Variants in MROH6 observed in about 807,000 individuals in gnomAD.
MROH6 encodes the protein maestro heat-like repeat-containing protein family member 6.
In MROH6, 62 loss-of-function variants were observed where a neutral mutation model predicts 67.7. The ratio of observed to expected loss-of-function variants is 0.92; its 90% CI spans 0.75 to 1.13. The LOEUF is 1.13. MROH6 is among the 50% of genes most tolerant of loss of function. The pLI, the probability that MROH6 is intolerant of heterozygous loss-of-function variation, is 0.00. For missense variants in MROH6, 1,175 were observed against 1,029.1 expected, an observed-to-expected ratio of 1.14 and a Z score of -1.94; for synonymous variants, 566 against 470.8, an observed-to-expected ratio of 1.20 and a Z score of -2.62.
chr8:143,568,441 GA>G (rs1261816160), intron 10 of MROH6, 110 bp downstream of exon 10: 38 of 1,442,242 alleles, frequency 2.6e-5, no homozygotes, highest in Non-Finnish European at 3.4e-5. Context: ...ACCTGCCACT[GA>G]GGTCCTTGGG....
chr8:143,571,401 G>A (rs550330725), intron 3 of MROH6, among the ~76,000 whole-genome samples: 4 of 152,314 alleles, frequency 2.6e-5, no homozygotes, highest in East Asian at 1.9e-4. Context: ...ACCCCAGGAC[G>A]GTCTCCAGGG....
chr8:143,568,900 C>T, intron 9 of MROH6, 181 bp from the exon 10 acceptor site: 1 of 525,236 alleles, frequency 1.9e-6, no homozygotes, highest in Middle Eastern at 5.0e-4. Context: ...AGAGCCCCTG[C>T]AGGGGGTGGG....
rs1390528712 is a variant in MROH6 at position 143,572,511 on chromosome 8, C to T, written c.204G>A (p.Glu68=). ...CAGGGACGGTGGCCCCACGTCCAGGCTCTGCCTCAGAGGGGGCGGTGAGTG... is the reference window on the plus strand; with the variant it reads ...CAGGGACGGTGGCCCCACGTCCAGGTTCTGCCTCAGAGGGGGCGGTGAGTG... ...TQALTAPSEA[E]PGRGATVPEA... Residue 68 remains glutamate (E), a synonymous_variant, in exon 1 of 14, where the codon GAG becomes GAA. Coordinates refer to ENST00000398882, the MANE Select transcript of MROH6 (RefSeq NM_001100878.2). 3 of 1,605,954 alleles carry T rather than the reference C, an allele frequency of 1.9e-6. No individual in the cohort carries two copies. The highest frequency in any genetic ancestry group is 4.5e-5 in the East Asian group (2 of 44,658).
chr8:143,572,319 C>T (rs1383302394), intron 1 of MROH6, 102 bp downstream of exon 1: 35 of 1,494,190 alleles, frequency 2.3e-5, no homozygotes, highest in Non-Finnish European at 2.7e-5. Context: ...TCACGCTGAC[C>T]TCCCCCGGGG....
rs771535763 is a variant in MROH6 at position 143,569,641 on chromosome 8, G to A, written c.1303-27C>T. 1.9e-6 allele frequency: 3 copies of A among 1,593,898 alleles called. No individual in the cohort carries two copies. The Admixed American group carries it at 5.1e-5, about 27-fold the overall frequency. ...TGCTGGGACTCGGGGTCAGCCTCTT[G>A]CAGACCTCGCCGCGACCGGGCCAAG... On this transcript the variant is annotated intron_variant, in intron 8 of 13. Transcript: ENST00000398882.
chr8:143,572,240 C>T, intron 1 of MROH6, 55 bp from the exon 2 acceptor site: 3 of 1,590,162 alleles, frequency 1.9e-6, no homozygotes, highest in South Asian at 2.3e-5. Context: ...TAGCTCTCCT[C>T]CTGGTCCCTC....
chr8:143,570,197 TCTCTTC>T (rs1330660727), intron 6 of MROH6, 40 bp downstream of exon 6: 2 of 1,558,766 alleles, frequency 1.3e-6, no homozygotes, highest in African/African-American at 2.7e-5. Context: ...CAGCAACGAC[TCTCTTC>T]CTGGTGTGAC....
rs368816807 is a variant in MROH6 at position 143,572,497 on chromosome 8, G to A, written c.218C>T (p.Ala73Val). 20 of 1,604,268 alleles carry A rather than the reference G, an allele frequency of 1.2e-5. No homozygotes were observed. The highest frequency in any genetic ancestry group is 2.5e-6 in the Non-Finnish European group (3 of 1,177,148). ...CTCGCTGCCAGCTTCAGGGACGGTG[G>A]CCCCACGTCCAGGCTCTGCCTCAGA... Reference protein sequence around the residue: ...APSEAEPGRGATVPEAGSEPC... With the variant: ...APSEAEPGRGVTVPEAGSEPC... Residue 73 changes from alanine (A) to valine (V), a missense_variant, in exon 1 of 14, where the codon GCC (alanine) becomes GTC (valine). Ala to Val is a moderately conservative substitution (Grantham distance 64). Transcript: ENST00000398882.
At chr8:143,567,717 C>T in intron 12 of MROH6, 41 bp from the exon 13 acceptor site, 2 of 1,572,856 alleles carry the variant, frequency 1.3e-6, no homozygotes, top group Middle Eastern at 1.7e-4. Context: ...CCCACAGCCC[C>T]CCAGGGGGAG....
chr8:143,570,448 C>G (rs767243192), intron 5 of MROH6, 25 bp downstream of exon 5: 3 of 1,309,562 alleles, frequency 2.3e-6, no homozygotes. Flanking sequence ...TGGCCCGCCC[C>G]ACGTAACCTG....
chr8:143,571,521 T>C (rs1824036184), intron 3 of MROH6, 146 bp downstream of exon 3: 1 of 1,053,770 alleles, frequency 9.5e-7, no homozygotes, highest in South Asian at 1.6e-5. Context: ...GGAGCGGGAA[T>C]GGATACGGGG....
intron 10 of MROH6, 85 bp downstream of exon 10, chr8:143,568,467 G>A (rs1259929317): frequency 1.4e-6 from 2 of 1,456,724 alleles, no homozygotes; most frequent in African/African-American, 1.4e-5. Context: ...GTGAGTCCCT[G>A]ACCTGTAATT....
In MROH6 at chr8:143,570,321, G is replaced by A. The variant is rs372592793; in HGVS notation, c.965C>T (p.Thr322Met). The A allele has an allele frequency of 3.8e-5, 61 of 1,609,876 alleles. No individual in the cohort carries two copies. Among genetic ancestry groups the A allele is most frequent in the Non-Finnish European group, 4.7e-5 (56 of 1,179,702 alleles). The stretch of plus-strand genomic sequence containing the variant: ...CCAGCCTCCTGCCTGCTCCATGCAC[G>A]TGACCACCATGCGGCCTCCATCCCC... ...LTGDGGRMVV[T>M]CMEQAGGWRR... Residue 322 changes from threonine to methionine, a missense_variant, in exon 6 of 14, where the codon ACG becomes ATG. Physicochemically the swap from Thr to Met is moderately conservative, Grantham distance 81. Coordinates refer to ENST00000398882, the MANE Select transcript of MROH6 (RefSeq NM_001100878.2).
Position 143,569,796 on chromosome 8 carries a change from G to A in MROH6, c.1203C>T (p.Val401=). 1 of 1,612,246 alleles carries A rather than the reference G, an allele frequency of 6.2e-7. No individual in the cohort carries two copies. The highest frequency in any genetic ancestry group is 8.5e-7 in the Non-Finnish European group (1 of 1,179,486). Residue 401 remains valine, a synonymous_variant, in exon 8 of 14, where the codon GTC becomes GTT. Transcript: ENST00000398882. ...GCCAGGTGAGGAGTCGCTCCAGGAT[G>A]ACCTCCTCCCGCAGGAGCCGTGCGG... ...RPTARLLREE[V]ILERLLTWQG... is the part of the protein sequence containing the mutation.
In MROH6 at chr8:143,572,706, C is replaced by T; in HGVS notation, c.9G>A (p.Gly3=). The change falls in exon 1 of 14, where the codon GGG becomes GGA. Residue 3 remains glycine (G), a synonymous_variant. Transcript: ENST00000398882. ...GGGCCCGGCTCCGGCCCCACACACC[C>T]CCAGCCATGGCGGCCCTTGCCTGCA... is the stretch of plus-strand genomic sequence containing the variant. MA[G]GVWGRSRARE... 1.3e-6 allele frequency: 2 copies of T among 1,488,300 alleles called. No homozygotes were observed. Among genetic ancestry groups the T allele is most frequent in the Non-Finnish European group, 1.8e-6 (2 of 1,122,156 alleles). The allele number at this position is 1,488,300 out of a possible 1,614,324, so 92.2% of individuals were successfully genotyped here.
chr8:143,567,188 C>A lies in MROH6; in HGVS notation c.*51G>T. ...GTCAGGGCGGGGACAGGCTGCTATG[C>A]GCGTGGGGTGCCCGAGTCGGACCCT... is the stretch of plus-strand genomic sequence containing the variant. On this transcript the variant is annotated 3_prime_UTR_variant, in exon 14 of 14. Transcript: ENST00000398882. 2 of 1,060,342 alleles carry A rather than the reference C, an allele frequency of 1.9e-6. No individual in the cohort carries two copies. Among genetic ancestry groups the A allele is most frequent in the South Asian group, 4.8e-5 (1 of 21,036 alleles). 65.7% of individuals were successfully genotyped at this position (1,060,342 alleles called of 1,614,324 possible).
intron 10 of MROH6, 145 bp from the exon 11 acceptor site, chr8:143,568,406 C>G: frequency 7.0e-7 from 1 of 1,424,512 alleles, no homozygotes; most frequent in African/African-American, 1.4e-5. Flanking sequence ...AAGGGAAGAG[C>G]AGTAGTAACC....
chr8:143,571,680 G>T lies in MROH6; in HGVS notation c.589C>A (p.Leu197Met). ...CGGTTGGGTTACCGATCGGCGGGCAGAGAGCGGGGTAGCAGCGCACACACC... is the reference window on the plus strand; with the variant it reads ...CGGTTGGGTTACCGATCGGCGGGCATAGAGCGGGGTAGCAGCGCACACACC... ...DVVCALLPRSLPADRVAAELW... is the reference protein window; with the variant it reads ...DVVCALLPRSMPADRVAAELW... The change falls in exon 3 of 14, where the codon CTG becomes ATG. Residue 197 changes from leucine to methionine, a missense_variant. Transcript: ENST00000398882. 1 of 1,554,958 alleles carries T rather than the reference G, an allele frequency of 6.4e-7. No homozygotes were observed. Among genetic ancestry groups the T allele is most frequent in the East Asian group, 2.4e-5 (1 of 41,254 alleles).
chr8:143,568,465 C>T, intron 10 of MROH6, 87 bp downstream of exon 10: 1 of 1,456,958 alleles, frequency 6.9e-7, no homozygotes, highest in Non-Finnish European at 9.1e-7. Flanking sequence ...GGGTGAGTCC[C>T]TGACCTGTAA....
Sources: allele counts gnomAD v4.1 joint callset (sites outside exome capture counted in the v4.1 genomes callset), GRCh38; gene constraint gnomAD v4.1.1; transcripts MANE v1.5; gene names NCBI Gene and HGNC (gene_info 2026-07-23, HGNC 2026-07-21).